ADAM12: variants seen among roughly 807,000 people sequenced by gnomAD.
The protein encoded by ADAM12 is disintegrin and metalloproteinase domain-containing protein 12.
In ADAM12, 70 loss-of-function variants were observed where a neutral mutation model predicts 106.4. The observed-to-expected ratio is 0.66, with a 90% CI of 0.54 to 0.80. The LOEUF is 0.80. ADAM12 is among the 30% of genes least tolerant of loss of function. The probability of loss-of-function intolerance (pLI) is 0.00; values close to 1 mark genes in which losing one functional copy is unlikely to be tolerated. For synonymous variants in ADAM12, 420 were observed against 433.5 expected, an observed-to-expected ratio of 0.97 and a Z score of 0.39; for missense variants, 1,010 against 1,171.9, an observed-to-expected ratio of 0.86 and a Z score of 2.02.
intron 3 of ADAM12, among the ~76,000 whole-genome samples, chr10:126,166,422 C>T (rs1299321593): frequency 6.6e-6 from 1 of 152,186 alleles, no homozygotes; most frequent in East Asian, 1.9e-4. Flanking sequence ...CTGTTTTCTC[C>T]CCTTTCAAAT....
intron 2 of ADAM12, among the ~76,000 whole-genome samples, chr10:126,320,870 C>A (rs945119225): frequency 6.6e-6 from 1 of 152,060 alleles, no homozygotes; most frequent in East Asian, 1.9e-4. Context: ...AATGGGGAAC[C>A]AAGGTATGCA....
intron 1 of ADAM12, among the ~76,000 whole-genome samples, chr10:126,372,167 T>G (rs1313380878): frequency 1.3e-5 from 2 of 152,152 alleles, no homozygotes; most frequent in African/African-American, 4.8e-5. Flanking sequence ...TGGGATTAAC[T>G]TGGATACCCA....
Position 126,016,196 on chromosome 10 carries a change from T to C in ADAM12, c.*1083A>G, listed in dbSNP as rs1379603993. ...CTATACCCATGAACATCACATTCCA[T>C]TGGTTGTAGTTTTTGCAAGCATAAA... On this transcript the variant is annotated 3_prime_UTR_variant, in exon 23 of 23. Transcript: ENST00000448723. 6.6e-6 allele frequency: 1 copy of C among 152,010 alleles called. No individual in the cohort carries two copies. The highest frequency in any genetic ancestry group is 6.6e-5 in the Admixed American group (1 of 15,262). 9.4% of individuals were successfully genotyped at this position (152,010 alleles called of 1,614,324 possible).
intron 2 of ADAM12, among the ~76,000 whole-genome samples, chr10:126,300,342 G>C (rs79435014): frequency 4.4e-4 from 67 of 152,202 alleles, no homozygotes; most frequent in African/African-American, 1.5e-3. Flanking sequence ...TGATAAACAG[G>C]GGGGAAGAGG....
intron 3 of ADAM12, among the ~76,000 whole-genome samples, chr10:126,159,932 T>C (rs565784534): frequency 2.6e-5 from 4 of 152,196 alleles, no homozygotes; most frequent in East Asian, 3.9e-4. Context: ...TCTTCTCTTG[T>C]CTAAGGAGAG....
intron 1 of ADAM12, among the ~76,000 whole-genome samples, chr10:126,369,542 T>C (rs1296957886): frequency 6.6e-6 from 1 of 151,586 alleles, no homozygotes; most frequent in African/African-American, 2.4e-5. Context: ...AGTGTTGGAG[T>C]GAGAGTGGGA....
In ADAM12 at chr10:126,043,255, A is replaced by AGATGAGT; in HGVS notation, c.1996-108_1996-107insACTCATC. On this transcript the variant is annotated intron_variant, in intron 17 of 22. Coordinates refer to ENST00000448723, the MANE Select transcript of ADAM12 (RefSeq NM_001288973.2). The surrounding 1 kb of genome is among the most constrained non-coding windows in gnomAD (Gnocchi z 4.1). The stretch of plus-strand genomic sequence containing the variant: ...CAGAGCCCCCCCCCAACACTGACAC[A>AGATGAGT]GCCAGACTCAGCACACGCCATGGTG... 2 of 1,012,480 alleles carry AGATGAGT rather than the reference A, an allele frequency of 2.0e-6. No homozygotes were observed. Among genetic ancestry groups the AGATGAGT allele is most frequent in the Admixed American group, 4.3e-5 (2 of 46,420 alleles). 62.7% of individuals were successfully genotyped at this position (1,012,480 alleles called of 1,614,324 possible).
chr10:126,052,597 A>G (rs1954531440), intron 14 of ADAM12, among the ~76,000 whole-genome samples: 1 of 152,234 alleles, frequency 6.6e-6, no homozygotes, highest in African/African-American at 2.4e-5. Flanking sequence ...ACAGCTCAAC[A>G]GCAGCCTGGG....
rs116406127 is a variant in ADAM12, at chr10:126,340,396, A to T, written c.89-9887T>A. ...TATAAGCTTACCTTGTTTAAACCCA[A>T]CAACAACCCTGTGATATTTATCCCC... On this transcript the variant is annotated intron_variant, in intron 1 of 22. Coordinates refer to ENST00000448723, the MANE Select transcript of ADAM12 (RefSeq NM_001288973.2). Among the ~76,000 whole-genome samples, 1,255 of 152,304 alleles carry T rather than the reference A, an allele frequency of 8.2e-3. 23 individuals carry two copies. The highest frequency in any genetic ancestry group is 0.029 in the African/African-American group (1,194 of 41,558).
chr10:126,261,946 C>T (rs1959010315), intron 3 of ADAM12, among the ~76,000 whole-genome samples: 1 of 151,874 alleles, frequency 6.6e-6, no homozygotes, highest in Non-Finnish European at 1.5e-5. Context: ...ATTTTTAATA[C>T]CCAACATTTA....
intron 14 of ADAM12, among the ~76,000 whole-genome samples, chr10:126,054,539 C>T (rs1954586357): frequency 6.6e-6 from 1 of 152,236 alleles, no homozygotes; most frequent in Non-Finnish European, 1.5e-5. Flanking sequence ...AAGAAAAATA[C>T]CTAATGCCTA....
chr10:126,332,117 G>C lies in ADAM12; in HGVS notation c.89-1608C>G, dbSNP rs138547832. ...CCACACATCAGCTGCGGGGCCACGGGCCAGTTGTGTCCCACGTGTTTACTC... is the reference window on the plus strand; with the variant it reads ...CCACACATCAGCTGCGGGGCCACGGCCCAGTTGTGTCCCACGTGTTTACTC... On this transcript the variant is annotated intron_variant, in intron 1 of 22. Transcript: ENST00000448723. Among the ~76,000 whole-genome samples, 68 of 152,286 alleles carry C rather than the reference G, an allele frequency of 4.5e-4. 1 individual carries two copies. The East Asian group carries it at 0.013, about 28-fold the overall frequency.
At chr10:126,262,640 T>G (rs12243881) in intron 3 of ADAM12, among the ~76,000 whole-genome samples, 1 of 152,206 alleles carries the variant, frequency 6.6e-6, no homozygotes, top group Non-Finnish European at 1.5e-5. Flanking sequence ...TAAACACCCA[T>G]GTCCTCATCA....
chr10:126,154,208 T>C (rs1956775352), intron 4 of ADAM12, among the ~76,000 whole-genome samples: 1 of 152,208 alleles, frequency 6.6e-6, no homozygotes, highest in South Asian at 2.1e-4. Context: ...CACCAGCCAG[T>C]GCTCAGGAAT....
At chr10:126,335,985 T>G (rs1441739109) in intron 1 of ADAM12, among the ~76,000 whole-genome samples, 2 of 152,118 alleles carry the variant, frequency 1.3e-5, no homozygotes, top group African/African-American at 4.8e-5. Flanking sequence ...ACAAGGACAG[T>G]CTGAGGTACT....
rs150357794 is a variant in ADAM12 at position 126,330,420 on chromosome 10, C to A, written c.178G>T (p.Asp60Tyr). ...AAAGGAGAGGAACTCACCTTGGAGT[C>A]GAAGCTCTTCACTGGGATCCAGAGG... is the stretch of plus-strand genomic sequence containing the variant. ...GDLWIPVKSF[D>Y]SKNHPEVLNI... The change falls in exon 2 of 23, where the codon GAC becomes TAC. Residue 60 changes from aspartate to tyrosine, a missense_variant. Asp to Tyr is a radical substitution (Grantham distance 160, BLOSUM62 -3). This residue lies in a region of ADAM12 where 391 missense variants were observed against 442.9 expected (regional missense o/e 0.88). Coordinates refer to ENST00000448723, the MANE Select transcript of ADAM12 (RefSeq NM_001288973.2). 1 of 1,612,322 alleles carries A rather than the reference C, an allele frequency of 6.2e-7. No individual in the cohort carries two copies. Among genetic ancestry groups the A allele is most frequent in the Non-Finnish European group, 8.5e-7 (1 of 1,179,590 alleles).
At chr10:126,173,882 A>T (rs1268884809) in intron 3 of ADAM12, among the ~76,000 whole-genome samples, 1 of 151,166 alleles carries the variant, frequency 6.6e-6, no homozygotes, top group Non-Finnish European at 1.5e-5. Flanking sequence ...AGGAATGGGC[A>T]TTTTTTTTTA....
Position 126,343,157 on chromosome 10 carries a change from T to C in ADAM12, c.89-12648A>G, listed in dbSNP as rs144866913. Among the ~76,000 whole-genome samples, 1,491 of 151,810 alleles carry C rather than the reference T, an allele frequency of 9.8e-3. 40 individuals carry two copies. The highest frequency in any genetic ancestry group is 0.035 in the African/African-American group (1,434 of 41,290). ...GTCAGTCATTTACATTGGGTATACC[T>C]CCTAATGCTATCCCTCCCCCCTCCC... On this transcript the variant is annotated intron_variant, in intron 1 of 22. Transcript: ENST00000448723.
chr10:126,288,934 G>A (rs962305594), intron 2 of ADAM12, among the ~76,000 whole-genome samples: 6 of 151,350 alleles, frequency 4.0e-5, no homozygotes, highest in African/African-American at 1.5e-4. Flanking sequence ...GGACAGGACC[G>A]CATGATGACA....
Sources: allele counts gnomAD v4.1 joint callset (sites outside exome capture counted in the v4.1 genomes callset), GRCh38; gene constraint gnomAD v4.1.1; regional missense constraint gnomAD v4.1.1; non-coding constraint Gnocchi (gnomAD v3.1); transcripts MANE v1.5; gene names NCBI Gene and HGNC (gene_info 2026-07-23, HGNC 2026-07-21).